Variants in TMEM229A observed in about 807,000 individuals in gnomAD.
The protein encoded by TMEM229A is transmembrane protein 229A.
A neutral mutation model predicts 30.0 loss-of-function variants in TMEM229A; 23 were observed. The ratio of observed to expected loss-of-function variants is 0.77; its 90% CI spans 0.55 to 1.09. TMEM229A has a LOEUF of 1.09. TMEM229A is among the 50% of genes least tolerant of loss of function. The probability of loss-of-function intolerance (pLI) is 0.00; values close to 1 mark genes in which losing one functional copy is unlikely to be tolerated. For synonymous variants in TMEM229A, 264 were observed against 241.5 expected, an observed-to-expected ratio of 1.09 and a Z score of -0.86; for missense variants, 534 against 525.9, an observed-to-expected ratio of 1.02 and a Z score of -0.15.
Position 124,031,079 on chromosome 7 carries a change from T to A in TMEM229A, c.*782A>T, listed in dbSNP as rs1035034823. 6.6e-6 allele frequency: 1 copy of A among 152,152 alleles called. No homozygotes were observed. Among genetic ancestry groups the A allele is most frequent in the African/African-American group, 2.4e-5 (1 of 41,430 alleles). 9.4% of individuals were successfully genotyped at this position (152,152 alleles called of 1,614,324 possible). A position where few individuals can be genotyped will look rare whatever the true frequency, so the allele number is the denominator to read the frequency against. Reference sequence around the variant, plus strand: ...GTAAACATTTTACATTATTGCACAGTAACAAAAATTTACAGCCATAGATAA... The same window carrying A: ...GTAAACATTTTACATTATTGCACAGAAACAAAAATTTACAGCCATAGATAA... On this transcript the variant is annotated 3_prime_UTR_variant, in exon 1 of 1. Transcript: ENST00000455783. This position sits in a 1 kb window ranked among gnomAD's most constrained non-coding sequence, Gnocchi z 4.1.
rs766520950 is a variant in TMEM229A, at chr7:124,032,294, C to A, written c.710G>T (p.Gly237Val). 1 of 1,550,854 alleles carries A rather than the reference C, an allele frequency of 6.4e-7. No individual in the cohort carries two copies. The highest frequency in any genetic ancestry group is 1.4e-5 in the African/African-American group (1 of 73,170). The change falls in exon 1 of 1, where the codon GGG becomes GTG. Residue 237 changes from glycine to valine, a missense_variant. By Grantham distance (109) the Gly-to-Val change is moderately radical (BLOSUM62 -3). Transcript: ENST00000455783. The surrounding 1 kb of genome is among the most constrained non-coding windows in gnomAD (Gnocchi z 6.6). Reference sequence around the variant, plus strand: ...AAGAAAGCGGGGTAGGTCGGGCAGCCCCTGGCTGGGGGCTCCCCCGGCGCC... The same window carrying A: ...AAGAAAGCGGGGTAGGTCGGGCAGCACCTGGCTGGGGGCTCCCCCGGCGCC... The part of the protein sequence containing the change: ...PRGAGGAPSQ[G>V]LPDLPRFLFF...
chr7:124,031,820 A>G lies in TMEM229A; in HGVS notation c.*41T>C, dbSNP rs1793136347. On this transcript the variant is annotated 3_prime_UTR_variant, in exon 1 of 1. Coordinates refer to ENST00000455783, the MANE Select transcript of TMEM229A (RefSeq NM_001136002.2). The surrounding 1 kb of genome is among the most constrained non-coding windows in gnomAD (Gnocchi z 4.1). ...AAAATAAATCGCATCCATTCGTGGG[A>G]ATCCAGTGACTTTTTCCTTTTCTTT... 1 of 1,457,582 alleles carries G rather than the reference A, an allele frequency of 6.9e-7. No homozygotes were observed. The highest frequency in any genetic ancestry group is 1.4e-5 in the African/African-American group (1 of 70,102). The allele number at this position is 1,457,582 out of a possible 1,614,324, so 90.3% of individuals were successfully genotyped here. A position where few individuals can be genotyped will look rare whatever the true frequency, so the allele number is the denominator to read the frequency against.
Position 124,032,536 on chromosome 7 carries a change from C to G in TMEM229A, c.468G>C (p.Ala156=). The G allele has an allele frequency of 6.5e-7, 1 of 1,549,296 alleles. No homozygotes were observed. ...GGAGVAVAPG[A]LDLALQYVLA... ...GCACGTACTGCAGCGCCAGGTCCAG[C>G]GCCCCTGGCGCCACCGCGACCCCCG... Residue 156 remains alanine (A), a synonymous_variant, in exon 1 of 1, where the codon GCG becomes GCC. Transcript: ENST00000455783. The surrounding 1 kb of genome is among the most constrained non-coding windows in gnomAD (Gnocchi z 6.6).
In TMEM229A at chr7:124,031,392, T is replaced by A. The variant is rs111624070; in HGVS notation, c.*469A>T. 4.8e-3 allele frequency: 725 copies of A among 152,516 alleles called. 2 individuals carry two copies. Among genetic ancestry groups the A allele is most frequent in the African/African-American group, 0.016 (666 of 41,438 alleles). 9.4% of individuals were successfully genotyped at this position (152,516 alleles called of 1,614,324 possible). A position where few individuals can be genotyped will look rare whatever the true frequency, so the allele number is the denominator to read the frequency against. Reference sequence around the variant, plus strand: ...TGGTAAATATGGCAAGGAATTAAAATGAAATTAGATTAAAAAGAAAGTAAA... The same window carrying A: ...TGGTAAATATGGCAAGGAATTAAAAAGAAATTAGATTAAAAAGAAAGTAAA... On this transcript the variant is annotated 3_prime_UTR_variant, in exon 1 of 1. Coordinates refer to ENST00000455783, the MANE Select transcript of TMEM229A (RefSeq NM_001136002.2). This position sits in a 1 kb window ranked among gnomAD's most constrained non-coding sequence, Gnocchi z 4.1.
chr7:124,032,385 C>T lies in TMEM229A; in HGVS notation c.619G>A (p.Val207Ile). The T allele has an allele frequency of 1.9e-6, 3 of 1,541,788 alleles. No homozygotes were observed. Among genetic ancestry groups the T allele is most frequent in the South Asian group, 1.2e-5 (1 of 83,586 alleles). ...QQQQRRGALP[V>I]PPGARVPTAA... is the part of the protein sequence containing the mutation. ...GTAGGGACCCGGGCGCCGGGAGGGA[C>T]GGGGAGCGCGCCCCTCCGCTGCTGC... The change falls in exon 1 of 1, where the codon GTC becomes ATC. Residue 207 changes from valine (V) to isoleucine (I), a missense_variant. Transcript: ENST00000455783. This position sits in a 1 kb window ranked among gnomAD's most constrained non-coding sequence, Gnocchi z 6.6.
rs1793139837 is a variant in TMEM229A, at chr7:124,032,042, T to A, written c.962A>T (p.Glu321Val). Residue 321 changes from glutamate to valine, a missense_variant, in exon 1 of 1, where the codon GAG becomes GTG. Transcript: ENST00000455783. The surrounding 1 kb of genome is among the most constrained non-coding windows in gnomAD (Gnocchi z 6.6). ...PIYVIFIYVW[E>V]LSWGLGLRTC... The stretch of plus-strand genomic sequence containing the variant: ...GCGGAGTCCCAGACCCCAGGACAGC[T>A]CCCACACGTAGATGAAGATCACGTA... The A allele has an allele frequency of 6.4e-7, 1 of 1,551,564 alleles. No individual in the cohort carries two copies. Among genetic ancestry groups the A allele is most frequent in the Non-Finnish European group, 8.7e-7 (1 of 1,146,956 alleles).
rs1327787463 is a variant in TMEM229A, at chr7:124,031,954, G to A, written c.1050C>T (p.Thr350=). The A allele has an allele frequency of 5.2e-6, 8 of 1,551,618 alleles. No homozygotes were observed. The highest frequency in any genetic ancestry group is 6.1e-6 in the Non-Finnish European group (7 of 1,147,000). Residue 350 remains threonine (T), a synonymous_variant, in exon 1 of 1, where the codon ACC becomes ACT. Coordinates refer to ENST00000455783, the MANE Select transcript of TMEM229A (RefSeq NM_001136002.2). The surrounding 1 kb of genome is among the most constrained non-coding windows in gnomAD (Gnocchi z 4.1). ...ATATCCAGCCAGGTAAATACATCAG[G>A]GTGATGAGGCCCATAAAATTGAGCG... The part of the protein sequence containing the change: ...HYPLNFMGLI[T]LMYLPGWIFL...
In TMEM229A at chr7:124,032,422, CTGCTGCTGT is replaced by C. The variant is rs776548684; in HGVS notation, c.573_581del (p.Gln198_Gln200del). 6.5e-7 allele frequency: 1 copy of C among 1,545,464 alleles called. No homozygotes were observed. The highest frequency in any genetic ancestry group is 1.2e-5 in the South Asian group (1 of 83,902). ...CCCTCCGCTGCTGCTGCTGCTGCTGCTGCTGCTGTTGCTGCTGCCGCCGCCTCTGTCGCC... is the reference window on the plus strand; with the variant it reads ...CCCTCCGCTGCTGCTGCTGCTGCTGCTGCTGCTGCCGCCGCCTCTGTCGCC... On this transcript the variant is annotated inframe_deletion, in exon 1 of 1. Coordinates refer to ENST00000455783, the MANE Select transcript of TMEM229A (RefSeq NM_001136002.2). This position sits in a 1 kb window ranked among gnomAD's most constrained non-coding sequence, Gnocchi z 6.6.
chr7:124,032,552 G>A lies in TMEM229A; in HGVS notation c.452C>T (p.Ala151Val), dbSNP rs1247744300. The A allele has an allele frequency of 6.5e-7, 1 of 1,549,314 alleles. No individual in the cohort carries two copies. Among genetic ancestry groups the A allele is most frequent in the African/African-American group, 1.4e-5 (1 of 73,114 alleles). Residue 151 changes from alanine (A) to valine (V), a missense_variant, in exon 1 of 1, where the codon GCG becomes GTG. Ala to Val is a moderately conservative substitution (Grantham distance 64, BLOSUM62 0). Transcript: ENST00000455783. This position sits in a 1 kb window ranked among gnomAD's most constrained non-coding sequence, Gnocchi z 6.6. Reference sequence around the variant, plus strand: ...CAGGTCCAGCGCCCCTGGCGCCACCGCGACCCCCGCCCCGCCGCCCAGGCT... The same window carrying A: ...CAGGTCCAGCGCCCCTGGCGCCACCACGACCCCCGCCCCGCCGCCCAGGCT... ...LLSLGGGAGVAVAPGALDLAL... is the reference protein window; with the variant it reads ...LLSLGGGAGVVVAPGALDLAL...
Position 124,032,589 on chromosome 7 carries a change from C to A in TMEM229A, c.415G>T (p.Ala139Ser), listed in dbSNP as rs753115124. 10 of 1,550,546 alleles carry A rather than the reference C, an allele frequency of 6.4e-6. No homozygotes were observed. Among genetic ancestry groups the A allele is most frequent in the Non-Finnish European group, 8.7e-6 (10 of 1,146,396 alleles). Residue 139 changes from alanine to serine, a missense_variant, in exon 1 of 1, where the codon GCG (alanine) becomes TCG (serine). Transcript: ENST00000455783. The surrounding 1 kb of genome is among the most constrained non-coding windows in gnomAD (Gnocchi z 6.6). The part of the protein sequence containing the change: ...HVGLQTLAGQ[A>S]LLLSLGGGAG... ...CCGCCGCCCAGGCTGAGTAGTAGCG[C>A]CTGGCCCGCTAGGGTCTGCAGCCCC...
rs1563050057 is a variant in TMEM229A at position 124,032,428 on chromosome 7, CT to C, written c.575del (p.Gln192ArgfsTer123). The C allele has an allele frequency of 2.6e-6, 4 of 1,538,292 alleles. No individual in the cohort carries two copies. The Admixed American group carries it at 7.9e-5, about 30-fold the overall frequency. ...YGRQRRRQQQQQQQQQQQQRR... is the reference protein window; with the variant it reads ...YGRQRRRQQQXQQQQQQQQRR... ...GCTGCTGCTGCTGCTGCTGCTGCTGCTGTTGCTGCTGCCGCCGCCTCTGTCG... is the reference window on the plus strand; with the variant it reads ...GCTGCTGCTGCTGCTGCTGCTGCTGCGTTGCTGCTGCCGCCGCCTCTGTCG... On this transcript the variant is annotated frameshift_variant, in exon 1 of 1. Transcript: ENST00000455783. LOFTEE classifies it high-confidence loss of function. This position sits in a 1 kb window ranked among gnomAD's most constrained non-coding sequence, Gnocchi z 6.6.
In TMEM229A at chr7:124,032,729, T is replaced by C. The variant is rs1295047960; in HGVS notation, c.275A>G (p.Tyr92Cys). The change falls in exon 1 of 1, where the codon TAC (tyrosine) becomes TGC (cysteine). Residue 92 changes from tyrosine to cysteine, a missense_variant. Tyr to Cys is a radical substitution (Grantham distance 194). Coordinates refer to ENST00000455783, the MANE Select transcript of TMEM229A (RefSeq NM_001136002.2). The surrounding 1 kb of genome is among the most constrained non-coding windows in gnomAD (Gnocchi z 6.6). Reference protein sequence around the residue: ...DLRMLGFSSPYRCLLHSLTHF... With the variant: ...DLRMLGFSSPCRCLLHSLTHF... ...GGTGAGCGAGTGCAGCAGGCAGCGGTAGGGCGAGGAGAAGCCTAGCATCCG... is the reference window on the plus strand; with the variant it reads ...GGTGAGCGAGTGCAGCAGGCAGCGGCAGGGCGAGGAGAAGCCTAGCATCCG... The C allele has an allele frequency of 6.4e-6, 10 of 1,551,144 alleles. No individual in the cohort carries two copies. The highest frequency in any genetic ancestry group is 8.7e-6 in the Non-Finnish European group (10 of 1,146,842).
At position 124,032,966 on chromosome 7, in the gene TMEM229A, C is replaced by G. The variant is rs1250952621; in HGVS notation, c.38G>C (p.Arg13Pro). 39 of 1,317,822 alleles carry G rather than the reference C, an allele frequency of 3.0e-5. No individual in the cohort carries two copies. The highest frequency in any genetic ancestry group is 3.7e-5 in the Non-Finnish European group (38 of 1,039,676). The allele number at this position is 1,317,822 out of a possible 1,614,324, so 81.6% of individuals were successfully genotyped here. A position where few individuals can be genotyped will look rare whatever the true frequency, so the allele number is the denominator to read the frequency against. Residue 13 changes from arginine (R) to proline (P), a missense_variant, in exon 1 of 1, where the codon CGG becomes CCG. Transcript: ENST00000455783. The surrounding 1 kb of genome is among the most constrained non-coding windows in gnomAD (Gnocchi z 6.6). ...GSDVDSEGPA[R>P]RGGAARRPGA... ...CGGACGCCGCGCCGCGCCGCCCCTC[C>G]GTGCGGGGCCCTCGCTGTCCACGTC...
At position 124,031,236 on chromosome 7, in the gene TMEM229A, A is replaced by G. The variant is rs1793129314; in HGVS notation, c.*625T>C. Reference sequence around the variant, plus strand: ...TGTGAGTTGCTAGAAAAGACCTCTCATTTAAAAATCTGTTCATAGAACGTG... The same window carrying G: ...TGTGAGTTGCTAGAAAAGACCTCTCGTTTAAAAATCTGTTCATAGAACGTG... On this transcript the variant is annotated 3_prime_UTR_variant, in exon 1 of 1. Transcript: ENST00000455783. This position sits in a 1 kb window ranked among gnomAD's most constrained non-coding sequence, Gnocchi z 4.1. The G allele has an allele frequency of 6.6e-6, 1 of 152,240 alleles. No individual in the cohort carries two copies. Among genetic ancestry groups the G allele is most frequent in the Non-Finnish European group, 1.5e-5 (1 of 68,050 alleles). The allele number at this position is 152,240 out of a possible 1,614,324, so 9.4% of individuals were successfully genotyped here.
chr7:124,032,388 G>A lies in TMEM229A; in HGVS notation c.616C>T (p.Pro206Ser). 3 of 1,542,154 alleles carry A rather than the reference G, an allele frequency of 1.9e-6. No individual in the cohort carries two copies. The highest frequency in any genetic ancestry group is 2.6e-6 in the Non-Finnish European group (3 of 1,144,712). ...GGGACCCGGGCGCCGGGAGGGACGG[G>A]GAGCGCGCCCCTCCGCTGCTGCTGC... is the stretch of plus-strand genomic sequence containing the variant. The part of the protein sequence containing the change: ...QQQQQRRGAL[P>S]VPPGARVPTA... The change falls in exon 1 of 1, where the codon CCC (proline) becomes TCC (serine). Residue 206 changes from proline (P) to serine (S), a missense_variant. Physicochemically the swap from Pro to Ser is moderately conservative, Grantham distance 74. Transcript: ENST00000455783. The surrounding 1 kb of genome is among the most constrained non-coding windows in gnomAD (Gnocchi z 6.6).
In TMEM229A at chr7:124,031,826, G is replaced by C. The variant is rs1793136437; in HGVS notation, c.*35C>G. 2 of 1,459,916 alleles carry C rather than the reference G, an allele frequency of 1.4e-6. No individual in the cohort carries two copies. The highest frequency in any genetic ancestry group is 1.4e-5 in the African/African-American group (1 of 70,018). The allele number at this position is 1,459,916 out of a possible 1,614,324, so 90.4% of individuals were successfully genotyped here. ...AATCGCATCCATTCGTGGGAATCCA[G>C]TGACTTTTTCCTTTTCTTTCTTTCT... On this transcript the variant is annotated 3_prime_UTR_variant, in exon 1 of 1. Transcript: ENST00000455783. This position sits in a 1 kb window ranked among gnomAD's most constrained non-coding sequence, Gnocchi z 4.1.
At position 124,032,626 on chromosome 7, in the gene TMEM229A, G is replaced by T. The variant is rs757684485; in HGVS notation, c.378C>A (p.Pro126=). The change falls in exon 1 of 1, where the codon CCC becomes CCA. Residue 126 remains proline, a synonymous_variant. Coordinates refer to ENST00000455783, the MANE Select transcript of TMEM229A (RefSeq NM_001136002.2). This position sits in a 1 kb window ranked among gnomAD's most constrained non-coding sequence, Gnocchi z 6.6. ...NAFVFNFLLY[P]SAHVGLQTLA... is the part of the protein sequence containing the mutation. The stretch of plus-strand genomic sequence containing the variant: ...GGGTCTGCAGCCCCACGTGGGCCGA[G>T]GGGTAGAGGAGGAAATTGAAGACGA... 3 of 1,551,228 alleles carry T rather than the reference G, an allele frequency of 1.9e-6. No individual in the cohort carries two copies. Among genetic ancestry groups the T allele is most frequent in the South Asian group, 1.2e-5 (1 of 84,036 alleles).
Position 124,031,585 on chromosome 7 carries a change from T to TGTTTGGGCGTGTAAAC in TMEM229A, c.*260_*275dup. 3.3e-6 allele frequency: 1 copy of TGTTTGGGCGTGTAAAC among 303,800 alleles called. No homozygotes were observed. Among genetic ancestry groups the TGTTTGGGCGTGTAAAC allele is most frequent in the Non-Finnish European group, 6.0e-6 (1 of 166,602 alleles). The allele number at this position is 303,800 out of a possible 1,614,324, so 18.8% of individuals were successfully genotyped here. ...TGATGTTAAGGTATAACGGTTTTGC[T>TGTTTGGGCGTGTAAAC]GTTTGGGCGTGTAAACGTTTGGGCT... On this transcript the variant is annotated 3_prime_UTR_variant, in exon 1 of 1. Coordinates refer to ENST00000455783, the MANE Select transcript of TMEM229A (RefSeq NM_001136002.2). The surrounding 1 kb of genome is among the most constrained non-coding windows in gnomAD (Gnocchi z 4.1).
chr7:124,032,157 T>C lies in TMEM229A; in HGVS notation c.847A>G (p.Met283Val), dbSNP rs764022396. ...ACCACGAAACTGCAGCTGCCGTACA[T>C]AAAGAAGGACCAGAGCGACGTGTGG... ...SGHTSLWSFF[M>V]YGSCSFVVEK... Residue 283 changes from methionine (M) to valine (V), a missense_variant, in exon 1 of 1, where the codon ATG becomes GTG. Met to Val is a conservative substitution (Grantham distance 21). Coordinates refer to ENST00000455783, the MANE Select transcript of TMEM229A (RefSeq NM_001136002.2). This position sits in a 1 kb window ranked among gnomAD's most constrained non-coding sequence, Gnocchi z 6.6. 66 of 1,551,568 alleles carry C rather than the reference T, an allele frequency of 4.3e-5. No homozygotes were observed. The highest frequency in any genetic ancestry group is 1.7e-4 in the Middle Eastern group (1 of 6,014).
Sources: allele counts gnomAD v4.1 joint callset, GRCh38; gene constraint gnomAD v4.1.1; non-coding constraint Gnocchi (gnomAD v3.1); transcripts MANE v1.5; gene names NCBI Gene and HGNC (gene_info 2026-07-23, HGNC 2026-07-21).